The following NELL2 variants were observed in gnomAD, a reference collection of about 807,000 sequenced individuals.
The protein encoded by NELL2 is protein kinase C-binding protein NELL2.
A neutral mutation model predicts 109.6 loss-of-function variants in NELL2; 41 were observed. The observed-to-expected ratio is 0.37, with a 90% CI of 0.29 to 0.49. NELL2 has a LOEUF of 0.49. Ranked by LOEUF, NELL2 falls within the 20% of genes least tolerant of loss-of-function variation. The pLI is 0.98. For missense variants in NELL2, 900 were observed against 1,008.3 expected (o/e 0.89, Z 1.45); for synonymous variants, 355 against 344.7 (o/e 1.03, Z -0.33).
chr12:44,644,608 G>GTATATA lies in NELL2; in HGVS notation c.1444+20870_1444+20875dup, dbSNP rs1180129986. 3.2e-3 allele frequency among the ~76,000 whole-genome samples: 295 copies of GTATATA among 90,796 alleles called. 7 individuals are homozygous for GTATATA. Among genetic ancestry groups the GTATATA allele is most frequent in the African/African-American group, 0.013 (276 of 21,676 alleles). 59.6% of individuals were successfully genotyped at this position (90,796 alleles called of 152,430 possible). A position where few individuals can be genotyped will look rare whatever the true frequency, so the allele number is the denominator to read the frequency against. Reference sequence around the variant, plus strand: ...TATATATATATATATATATATGTATGTATATATATATATATATACATACAT... The same window carrying GTATATA: ...TATATATATATATATATATATGTATGTATATATATATATATATATATATACATACAT... On this transcript the variant is annotated intron_variant, in intron 13 of 19. Coordinates refer to ENST00000429094, the MANE Select transcript of NELL2 (RefSeq NM_001145108.2).
intron 12 of NELL2, among the ~76,000 whole-genome samples, chr12:44,699,105 C>G (rs894038391): frequency 1.3e-5 from 2 of 152,052 alleles, no homozygotes; most frequent in Admixed American, 1.3e-4. Context: ...TAGCAAAAAA[C>G]CAGTCTGAAA....
chr12:44,713,875 T>C (rs1453113537), intron 10 of NELL2, among the ~76,000 whole-genome samples: 1 of 151,840 alleles, frequency 6.6e-6, no homozygotes, highest in African/African-American at 2.4e-5. Context: ...TCTACATAAT[T>C]TATACATACT....
chr12:44,764,254 A>G (rs546706977), intron 9 of NELL2, among the ~76,000 whole-genome samples: 2 of 152,298 alleles, frequency 1.3e-5, no homozygotes, highest in Non-Finnish European at 2.9e-5. Flanking sequence ...TTATTTATCA[A>G]AAACAAGTAA....
At chr12:44,671,756 G>A (rs957481748) in intron 12 of NELL2, among the ~76,000 whole-genome samples, 1 of 152,144 alleles carries the variant, frequency 6.6e-6, no homozygotes, top group African/African-American at 2.4e-5. Flanking sequence ...CAAGTAACAA[G>A]ACTGGATCGG....
intron 1 of NELL2, among the ~76,000 whole-genome samples, chr12:44,895,679 G>A (rs1185446460): frequency 6.6e-6 from 1 of 151,984 alleles, no homozygotes; most frequent in Non-Finnish European, 1.5e-5. Flanking sequence ...TAAGATTTTT[G>A]TTGAGGCTTT....
chr12:44,677,908 C>T (rs958176567), intron 12 of NELL2, among the ~76,000 whole-genome samples: 1 of 151,968 alleles, frequency 6.6e-6, no homozygotes, highest in African/African-American at 2.4e-5. Context: ...ATGCTTATGA[C>T]ACATCCAGAT....
chr12:44,766,883 T>G (rs1342311340), intron 9 of NELL2, among the ~76,000 whole-genome samples: 1 of 152,242 alleles, frequency 6.6e-6, no homozygotes, highest in East Asian at 1.9e-4. Flanking sequence ...TGCAGAGACA[T>G]TCTTTTGAGA....
At position 44,891,224 on chromosome 12, in the gene NELL2, T is replaced by A. The variant is rs1399521238; in HGVS notation, c.39-15324A>T. 7.9e-5 allele frequency among the ~76,000 whole-genome samples: 12 copies of A among 152,184 alleles called. No individual in the cohort carries two copies. The East Asian group carries it at 2.1e-3, about 27-fold the overall frequency. On this transcript the variant is annotated intron_variant, in intron 1 of 20. Transcript: ENST00000333837. ...CCCTGCCATTATGGCTACAGCTTTT[T>A]GAGTTTACTAGGCCTACCAGCTATC...
intron 15 of NELL2, among the ~76,000 whole-genome samples, chr12:44,539,762 A>G (rs1483591536): frequency 6.6e-6 from 1 of 152,176 alleles, no homozygotes; most frequent in Non-Finnish European, 1.5e-5. Context: ...GTAAATTTCA[A>G]ATGGCCATAA....
chr12:44,887,015 A>G (rs918134505), intron 1 of NELL2, among the ~76,000 whole-genome samples: 6 of 152,006 alleles, frequency 3.9e-5, no homozygotes, highest in African/African-American at 1.2e-4. Flanking sequence ...TCATCCATTC[A>G]TCCAGTGATA....
intron 15 of NELL2, among the ~76,000 whole-genome samples, chr12:44,602,407 C>A (rs1945253744): frequency 6.6e-6 from 1 of 152,080 alleles, no homozygotes; most frequent in South Asian, 2.1e-4. Context: ...GAACTAGAAG[C>A]AAAGCTTCCT....
At chr12:44,727,400 G>A (rs142081005) in intron 9 of NELL2, among the ~76,000 whole-genome samples, 3 of 152,056 alleles carry the variant, frequency 2.0e-5, no homozygotes, top group Non-Finnish European at 4.4e-5. Flanking sequence ...TAATGCACAG[G>A]TTGCTATAAG....
At chr12:44,771,734 C>T (rs1314383486) in intron 9 of NELL2, among the ~76,000 whole-genome samples, 1 of 152,204 alleles carries the variant, frequency 6.6e-6, no homozygotes, top group Non-Finnish European at 1.5e-5. Flanking sequence ...TGACTTCTTT[C>T]CCAGAACAAC....
intron 2 of NELL2, among the ~76,000 whole-genome samples, chr12:44,840,591 G>A (rs1944195519): frequency 1.3e-5 from 2 of 151,538 alleles, no homozygotes; most frequent in South Asian, 4.2e-4. Context: ...GAGCAGAGAT[G>A]CGCCACTGCA....
intron 2 of NELL2, among the ~76,000 whole-genome samples, chr12:44,817,438 TA>T (rs1384894768): frequency 2.0e-5 from 3 of 152,164 alleles, no homozygotes; most frequent in Non-Finnish European, 4.4e-5. Context: ...AAGGGACACC[TA>T]ATGTGATACA....
intron 3 of NELL2, among the ~76,000 whole-genome samples, chr12:44,811,350 A>AAAAAAAAAAAAT (rs1943172920): frequency 6.6e-6 from 1 of 151,264 alleles, no homozygotes; most frequent in Non-Finnish European, 1.5e-5. Flanking sequence ...AAAAAAAAAA[A>AAAAAAAAAAAAT]AAAAAAAAAT....
chr12:44,810,861 T>G (rs1018835485), intron 3 of NELL2, among the ~76,000 whole-genome samples: 2 of 152,110 alleles, frequency 1.3e-5, no homozygotes, highest in Non-Finnish European at 2.9e-5. Flanking sequence ...AAGCTACAAT[T>G]TAGATTTTTA....
At chr12:44,906,468 T>C (rs916087317) in intron 1 of NELL2, among the ~76,000 whole-genome samples, 1 of 152,106 alleles carries the variant, frequency 6.6e-6, no homozygotes, top group Non-Finnish European at 1.5e-5. Flanking sequence ...GCTAGAAAGT[T>C]ACTGCAATAA....
At position 44,520,241 on chromosome 12, in the gene NELL2, G is replaced by C; in HGVS notation, c.2176-12C>G. 1 of 1,601,162 alleles carries C rather than the reference G, an allele frequency of 6.2e-7. No homozygotes were observed. Among genetic ancestry groups the C allele is most frequent in the Non-Finnish European group, 8.5e-7 (1 of 1,173,160 alleles). On this transcript the variant is annotated splice_polypyrimidine_tract_variant and intron_variant, in intron 18 of 19. Coordinates refer to ENST00000429094, the MANE Select transcript of NELL2 (RefSeq NM_001145108.2). Reference sequence around the variant, plus strand: ...TCAACTTCCCCTTGCTACAAGGAAAGCAGATGTGCAAGGGCAGAGGGAGAG... The same window carrying C: ...TCAACTTCCCCTTGCTACAAGGAAACCAGATGTGCAAGGGCAGAGGGAGAG...
Sources: gnomAD v4.1 joint callset for allele counts (sites outside exome capture counted in the v4.1 genomes callset) on GRCh38, gnomAD v4.1.1 for gene constraint, MANE v1.5 for transcripts, NCBI Gene and HGNC (gene_info 2026-07-23, HGNC 2026-07-21) for gene names.